Variants in GRIN2A observed in about 807,000 individuals in gnomAD.
The protein encoded by GRIN2A is glutamate receptor ionotropic, NMDA 2A.
A neutral mutation model predicts 113.4 loss-of-function variants in GRIN2A; 22 were observed. The ratio of observed to expected loss-of-function variants is 0.19; its 90% CI spans 0.14 to 0.28. GRIN2A has a LOEUF of 0.28. Ranked by LOEUF, GRIN2A falls within the 10% of genes least tolerant of loss-of-function variation. The probability of loss-of-function intolerance (pLI) is 1.00; values close to 1 mark genes in which losing one functional copy is unlikely to be tolerated. For missense variants in GRIN2A, 1,502 were observed against 1,887.0 expected (o/e 0.80, Z 3.78); for synonymous variants, 827 against 738.4 (o/e 1.12, Z -1.94).
At chr16:9,978,547 T>C (rs1228804112) in intron 2 of GRIN2A, among the ~76,000 whole-genome samples, 1 of 151,998 alleles carries the variant, frequency 6.6e-6, no homozygotes, top group Non-Finnish European at 1.5e-5. Context: ...CCTCCTCCCT[T>C]TCCTCCCCAT....
chr16:9,938,407 C>G lies in GRIN2A; in HGVS notation c.559G>C (p.Val187Leu). Residue 187 changes from valine (V) to leucine (L), a missense_variant, in exon 3 of 13, where the codon GTC becomes CTC. By Grantham distance (32) the Val-to-Leu change is conservative. This residue lies in a region of GRIN2A where 334 missense variants were observed against 403.0 expected (regional missense o/e 0.83). Coordinates refer to ENST00000330684, the MANE Select transcript of GRIN2A (RefSeq NM_001134407.3). ...FPGYREFISF[V>L]KTTVDNSFVG... is the part of the protein sequence containing the mutation. ...AAGCTGTTGTCCACTGTGGTCTTGACGAAGCTGATGAATTCCCTGTAGCCA... is the reference window on the plus strand; with the variant it reads ...AAGCTGTTGTCCACTGTGGTCTTGAGGAAGCTGATGAATTCCCTGTAGCCA... 1 of 1,614,072 alleles carries G rather than the reference C, an allele frequency of 6.2e-7. No homozygotes were observed. Among genetic ancestry groups the G allele is most frequent in the Non-Finnish European group, 8.5e-7 (1 of 1,179,970 alleles).
chr16:9,805,281 T>C (rs966611601), intron 10 of GRIN2A, among the ~76,000 whole-genome samples: 4 of 152,212 alleles, frequency 2.6e-5, no homozygotes, highest in Admixed American at 6.5e-5. Flanking sequence ...TTGCAGATGC[T>C]CTCTGGGGGT....
rs749504561 is a variant in GRIN2A, at chr16:9,849,835, C to T, written c.1249G>A (p.Val417Ile). ...AGGGGGTCTATGTCTTCCACGATGA[C>T]GAATGGGGCCTCCTCCAGGGTGACG... Reference protein sequence around the residue: ...SIVTLEEAPFVIVEDIDPLTE... With the variant: ...SIVTLEEAPFIIVEDIDPLTE... Residue 417 changes from valine (V) to isoleucine (I), a missense_variant, in exon 5 of 13, where the codon GTC becomes ATC. By Grantham distance (29) the Val-to-Ile change is conservative. Transcript: ENST00000330684. 5.6e-6 allele frequency: 9 copies of T among 1,613,848 alleles called. No individual in the cohort carries two copies. Among genetic ancestry groups the T allele is most frequent in the South Asian group, 2.2e-5 (2 of 91,082 alleles).
chr16:9,966,084 A>T (rs2045551598), intron 2 of GRIN2A, among the ~76,000 whole-genome samples: 1 of 152,186 alleles, frequency 6.6e-6, no homozygotes, highest in Middle Eastern at 3.2e-3. Context: ...TAGAGAATTG[A>T]TCTGATTTGA....
intron 2 of GRIN2A, among the ~76,000 whole-genome samples, chr16:9,951,465 C>T (rs938380313): frequency 3.9e-5 from 6 of 152,182 alleles, no homozygotes; most frequent in South Asian, 2.1e-4. Flanking sequence ...TGTGTATGTG[C>T]GCACAGGCGT....
In GRIN2A at chr16:10,180,819, C is replaced by CCTG; in HGVS notation, c.-18-391_-18-390insCAG. 6.5e-6 allele frequency: 2 copies of CCTG among 307,950 alleles called. No individual in the cohort carries two copies. The highest frequency in any genetic ancestry group is 3.8e-5 in the South Asian group (1 of 26,564). 19.1% of individuals were successfully genotyped at this position (307,950 alleles called of 1,614,324 possible). On this transcript the variant is annotated intron_variant, in intron 1 of 12. Coordinates refer to ENST00000330684, the MANE Select transcript of GRIN2A (RefSeq NM_001134407.3). This position sits in a 1 kb window ranked among gnomAD's most constrained non-coding sequence, Gnocchi z 7.0. ...AGCTCCTAGGTGCACAGAATAAACC[C>CCTG]TCCATCCAACCCCTCCCACCTGGGA...
Position 10,051,645 on chromosome 16 carries a change from A to G in GRIN2A, c.415-113094T>C, listed in dbSNP as rs543067094. The stretch of plus-strand genomic sequence containing the variant: ...TCGAATTGAATATTGCCGAATTCAC[A>G]CAACTTGGCAAAGAGAAAGGGTATT... On this transcript the variant is annotated intron_variant, in intron 2 of 12. Transcript: ENST00000330684. Among the ~76,000 whole-genome samples the G allele has an allele frequency of 1.1e-3, 167 of 152,362 alleles. 1 individual carries two copies. Among genetic ancestry groups the G allele is most frequent in the African/African-American group, 3.7e-3 (154 of 41,580 alleles).
At chr16:10,163,806 T>C (rs1444045497) in intron 2 of GRIN2A, among the ~76,000 whole-genome samples, 1 of 152,142 alleles carries the variant, frequency 6.6e-6, no homozygotes, top group Non-Finnish European at 1.5e-5. Context: ...TCTCCCACTT[T>C]TGTTTAAAAC....
intron 2 of GRIN2A, among the ~76,000 whole-genome samples, chr16:10,039,814 A>G (rs1457599517): frequency 1.5e-5 from 1 of 67,270 alleles, no homozygotes; most frequent in African/African-American, 4.6e-5. Context: ...GGGGGGAGAA[A>G]GAGAGAGAGA....
intron 2 of GRIN2A, among the ~76,000 whole-genome samples, chr16:10,175,490 G>T (rs986656814): frequency 1.3e-5 from 2 of 152,202 alleles, no homozygotes; most frequent in East Asian, 3.8e-4. Flanking sequence ...TTTACCCATG[G>T]TGATAGGATT....
chr16:9,854,828 A>T (rs142557920), intron 4 of GRIN2A, among the ~76,000 whole-genome samples: 112 of 152,298 alleles, frequency 7.4e-4, no homozygotes, highest in African/African-American at 2.6e-3. Flanking sequence ...CATTTCCTCC[A>T]GCAGTGCTTC....
chr16:9,964,043 C>T (rs1190865392), intron 2 of GRIN2A, among the ~76,000 whole-genome samples: 1 of 152,104 alleles, frequency 6.6e-6, no homozygotes. Flanking sequence ...CAGGAAGGGG[C>T]CACGTGGGTT....
chr16:9,780,831 A>G (rs1767034018), intron 11 of GRIN2A, among the ~76,000 whole-genome samples: 1 of 152,238 alleles, frequency 6.6e-6, no homozygotes, highest in South Asian at 2.1e-4. Flanking sequence ...AAACCAGAGG[A>G]GAGAAAAATA....
intron 2 of GRIN2A, chr16:10,112,269 C>T (rs1258707483): frequency 2.2e-5 from 14 of 641,226 alleles, no homozygotes; most frequent in Non-Finnish European, 4.0e-5. Flanking sequence ...CCTCCACCTC[C>T]AGGTGATTGG....
chr16:10,142,946 G>A (rs911721946), intron 2 of GRIN2A, among the ~76,000 whole-genome samples: 1 of 152,150 alleles, frequency 6.6e-6, no homozygotes, highest in African/African-American at 2.4e-5. Context: ...AAAATAACAT[G>A]TAATTTGTTT....
chr16:10,146,793 C>G (rs1271727179), intron 2 of GRIN2A, among the ~76,000 whole-genome samples: 1 of 151,852 alleles, frequency 6.6e-6, no homozygotes, highest in Non-Finnish European at 1.5e-5. Context: ...CTTCCCCATC[C>G]CTCATGTCCA....
chr16:9,967,574 G>C (rs780684145), intron 2 of GRIN2A, among the ~76,000 whole-genome samples: 2 of 152,128 alleles, frequency 1.3e-5, no homozygotes, highest in Non-Finnish European at 2.9e-5. Context: ...GCGTGCTGGC[G>C]TGCGCCTGTA....
chr16:10,159,950 G>A lies in GRIN2A; in HGVS notation c.414+20048C>T, dbSNP rs578033127. Among the ~76,000 whole-genome samples the A allele has an allele frequency of 5.9e-5, 9 of 152,252 alleles. No individual in the cohort carries two copies. In the South Asian group the frequency reaches 1.2e-3, roughly 21 times the overall value. On this transcript the variant is annotated intron_variant, in intron 2 of 12. Coordinates refer to ENST00000330684, the MANE Select transcript of GRIN2A (RefSeq NM_001134407.3). Reference sequence around the variant, plus strand: ...GAGAAACTGAATTTCAGAGTTTGCCGCAAGTCAAGGAATGCAGTTCTGGAA... The same window carrying A: ...GAGAAACTGAATTTCAGAGTTTGCCACAAGTCAAGGAATGCAGTTCTGGAA...
intron 2 of GRIN2A, among the ~76,000 whole-genome samples, chr16:9,960,863 T>C (rs1008506690): frequency 6.6e-6 from 1 of 152,208 alleles, no homozygotes; most frequent in African/African-American, 2.4e-5. Flanking sequence ...TGGACTAAAG[T>C]GATCCTCCTG....
Sources: gnomAD v4.1 joint callset for allele counts (sites outside exome capture counted in the v4.1 genomes callset) on GRCh38, gnomAD v4.1.1 for gene constraint, gnomAD v4.1.1 regional missense constraint, Gnocchi (gnomAD v3.1) non-coding constraint, MANE v1.5 for transcripts, NCBI Gene and HGNC (gene_info 2026-07-23, HGNC 2026-07-21) for gene names.